Variants in MMP16 observed in about 807,000 individuals in gnomAD.
MMP16 encodes the protein matrix metallopeptidase 16, also known as matrix metalloproteinase-16.
Under a neutral mutation model 67.8 loss-of-function variants are expected in MMP16, and 12 were observed. The observed-to-expected ratio is 0.18, with a 90% CI of 0.11 to 0.29. The LOEUF is 0.29. Among genes scored for constraint, MMP16 ranks in the 10% least tolerant of loss-of-function variants. MMP16 has a pLI of 1.00. For missense variants in MMP16, 475 were observed against 765.7 expected (o/e 0.62, Z 4.48); for synonymous variants, 249 against 255.9 (o/e 0.97, Z 0.26).
intron 1 of MMP16, among the ~76,000 whole-genome samples, chr8:88,304,231 C>A (rs1284111259): frequency 1.3e-5 from 2 of 151,682 alleles, no homozygotes; most frequent in African/African-American, 2.4e-5. Flanking sequence ...GTAAGATAGG[C>A]AGACAAGAAG....
rs74962625 is a variant in MMP16 at position 88,052,521 on chromosome 8, G to C, written c.1373+3607C>G. On this transcript the variant is annotated intron_variant, in intron 8 of 9. Coordinates refer to ENST00000286614, the MANE Select transcript of MMP16 (RefSeq NM_005941.5). ...CTTGGAGCCCATTCTTCACATAGAA[G>C]CCAGCACAATCTGTGTGAATACACA... 3.4e-3 allele frequency among the ~76,000 whole-genome samples: 514 copies of C among 152,248 alleles called. 5 individuals are homozygous for C. Among genetic ancestry groups the C allele is most frequent in the African/African-American group, 0.011 (477 of 41,562 alleles).
At chr8:88,291,636 T>C (rs1448389582) in intron 1 of MMP16, among the ~76,000 whole-genome samples, 1 of 152,058 alleles carries the variant, frequency 6.6e-6, no homozygotes, top group African/African-American at 2.4e-5. Flanking sequence ...TCTTCTTGAG[T>C]AGAAAAATAT....
At chr8:88,099,126 C>T (rs1045091018) in intron 6 of MMP16, among the ~76,000 whole-genome samples, 3 of 151,450 alleles carry the variant, frequency 2.0e-5, no homozygotes, top group Admixed American at 1.3e-4. Flanking sequence ...TTCATATATT[C>T]AAATTCTATG....
intron 1 of MMP16, among the ~76,000 whole-genome samples, chr8:88,264,246 C>A (rs1030485554): frequency 1.3e-5 from 2 of 152,140 alleles, no homozygotes; most frequent in Non-Finnish European, 2.9e-5. Flanking sequence ...TTCTCCCAGA[C>A]TGAAGTACAG....
chr8:88,128,104 C>T (rs886557218), intron 4 of MMP16, among the ~76,000 whole-genome samples: 5 of 151,870 alleles, frequency 3.3e-5, no homozygotes, highest in African/African-American at 9.7e-5. Flanking sequence ...TCTTTACCTG[C>T]ATGCTGCGGA....
intron 1 of MMP16, among the ~76,000 whole-genome samples, chr8:88,224,499 T>C (rs1809737142): frequency 6.6e-6 from 1 of 152,026 alleles, no homozygotes; most frequent in East Asian, 1.9e-4. Context: ...ATGCCACTTG[T>C]ACACAAAATG....
At chr8:88,159,446 A>G (rs1808573668) in intron 4 of MMP16, among the ~76,000 whole-genome samples, 1 of 152,154 alleles carries the variant, frequency 6.6e-6, no homozygotes, top group African/African-American at 2.4e-5. Flanking sequence ...GAGTTCACTC[A>G]TGATTTGGCT....
intron 1 of MMP16, among the ~76,000 whole-genome samples, chr8:88,217,301 G>A (rs747448247): frequency 6.6e-6 from 1 of 151,992 alleles, no homozygotes; most frequent in Non-Finnish European, 1.5e-5. Flanking sequence ...TATAAACTGT[G>A]GGAATACACG....
intron 1 of MMP16, among the ~76,000 whole-genome samples, chr8:88,270,529 C>A (rs997175844): frequency 2.6e-5 from 4 of 152,112 alleles, no homozygotes; most frequent in Non-Finnish European, 4.4e-5. Flanking sequence ...TGAATATTTA[C>A]AATAACTTTT....
chr8:88,058,036 T>G lies in MMP16; in HGVS notation c.1223-1758A>C, dbSNP rs1808353078. 6.6e-6 allele frequency among the ~76,000 whole-genome samples: 1 copy of G among 152,110 alleles called. No individual in the cohort carries two copies. Among genetic ancestry groups the G allele is most frequent in the Non-Finnish European group, 1.5e-5 (1 of 68,016 alleles). On this transcript the variant is annotated intron_variant, in intron 7 of 9. Coordinates refer to ENST00000286614, the MANE Select transcript of MMP16 (RefSeq NM_005941.5). This position sits in a 1 kb window ranked among gnomAD's most constrained non-coding sequence, Gnocchi z 4.2. ...AAGTAAAAAGGTCAGGGAAGACCTCTCTGAAGAAATACACCAAAATCTAAA... is the reference window on the plus strand; with the variant it reads ...AAGTAAAAAGGTCAGGGAAGACCTCGCTGAAGAAATACACCAAAATCTAAA...
chr8:88,171,272 A>G (rs2129712075), intron 3 of MMP16, among the ~76,000 whole-genome samples: 1 of 152,336 alleles, frequency 6.6e-6, no homozygotes, highest in African/African-American at 2.4e-5. Flanking sequence ...AGATACCTGT[A>G]CACCAAACCC....
At chr8:88,102,670 C>T (rs1349679854) in intron 6 of MMP16, among the ~76,000 whole-genome samples, 2 of 151,534 alleles carry the variant, frequency 1.3e-5, no homozygotes, top group Non-Finnish European at 2.9e-5. Flanking sequence ...CAGTGGCCAG[C>T]CCCCATCCTG....
At chr8:88,201,441 C>G (rs1809343859) in intron 1 of MMP16, among the ~76,000 whole-genome samples, 1 of 151,928 alleles carries the variant, frequency 6.6e-6, no homozygotes, top group South Asian at 2.1e-4. Flanking sequence ...GTACAGTACT[C>G]ATATGAATAG....
chr8:88,089,865 T>C (rs1029519077), intron 6 of MMP16, among the ~76,000 whole-genome samples: 4 of 151,800 alleles, frequency 2.6e-5, no homozygotes, highest in African/African-American at 4.8e-5. Context: ...TAAAAAAAAA[T>C]CAGATTAGGT....
intron 4 of MMP16, among the ~76,000 whole-genome samples, chr8:88,119,294 T>C (rs997649640): frequency 3.1e-4 from 47 of 151,988 alleles, no homozygotes; most frequent in African/African-American, 1.1e-3. Context: ...GATGAGTAAA[T>C]TAAGGCATGA....
At chr8:88,046,550 T>G in intron 9 of MMP16, 119 bp downstream of exon 9, 1 of 450,918 alleles carries the variant, frequency 2.2e-6, no homozygotes, top group Non-Finnish European at 3.9e-6. Flanking sequence ...TAAATAGAAA[T>G]ACAGTATTAC....
intron 1 of MMP16, among the ~76,000 whole-genome samples, chr8:88,305,341 T>C (rs1811196297): frequency 6.6e-6 from 1 of 152,190 alleles, no homozygotes; most frequent in African/African-American, 2.4e-5. Context: ...CACACAGCAA[T>C]AGTGGGAGAC....
At chr8:88,055,001 C>G (rs1808313733) in intron 8 of MMP16, among the ~76,000 whole-genome samples, 1 of 152,042 alleles carries the variant, frequency 6.6e-6, no homozygotes, top group Admixed American at 6.6e-5. Context: ...AGTCATCCTA[C>G]AAACAATGAA....
At chr8:88,163,328 T>G (rs532331689) in intron 4 of MMP16, among the ~76,000 whole-genome samples, 1 of 152,232 alleles carries the variant, frequency 6.6e-6, no homozygotes, top group Admixed American at 6.6e-5. Context: ...AATGATGAAT[T>G]TAATTTAACG....
Sources: gnomAD v4.1 joint callset for allele counts (sites outside exome capture counted in the v4.1 genomes callset) on GRCh38, gnomAD v4.1.1 for gene constraint, Gnocchi (gnomAD v3.1) non-coding constraint, MANE v1.5 for transcripts, NCBI Gene and HGNC (gene_info 2026-07-23, HGNC 2026-07-21) for gene names.